The following CRB1 variants were observed in gnomAD, a reference collection of about 807,000 sequenced individuals.
CRB1 encodes the protein protein crumbs homolog 1.
In CRB1, 83 loss-of-function variants were observed where a neutral mutation model predicts 120.0. The observed-to-expected ratio is 0.69, with a 90% CI of 0.58 to 0.83. The LOEUF (loss-of-function observed/expected upper bound fraction) is 0.83, where lower values mean the gene tolerates loss of function less well. CRB1 is among the 40% of genes least tolerant of loss of function. CRB1 has a pLI of 0.00. For missense variants in CRB1, 1,699 were observed against 1,687.6 expected (o/e 1.01, Z -0.12); for synonymous variants, 625 against 612.5 (o/e 1.02, Z -0.30).
At chr1:197,404,816 A>G (rs1218173817) in intron 5 of CRB1, among the ~76,000 whole-genome samples, 3 of 152,184 alleles carry the variant, frequency 2.0e-5, no homozygotes, top group African/African-American at 7.2e-5. Flanking sequence ...ACTGTAACTA[A>G]TTTGTATTTG....
chr1:197,474,898 T>C (rs752723173), intron 11 of CRB1, among the ~76,000 whole-genome samples: 3 of 152,204 alleles, frequency 2.0e-5, no homozygotes, highest in Non-Finnish European at 4.4e-5. Context: ...AGATTTCATC[T>C]GCTCTTCTGT....
chr1:197,406,605 A>G (rs944693471), intron 5 of CRB1, among the ~76,000 whole-genome samples: 7 of 152,222 alleles, frequency 4.6e-5, no homozygotes, highest in Admixed American at 2.0e-4. Flanking sequence ...TAATGTGCTC[A>G]ATATTCTGCA....
chr1:197,278,726 AG>A (rs1284164458), intron 1 of CRB1, among the ~76,000 whole-genome samples: 1 of 151,954 alleles, frequency 6.6e-6, no homozygotes, highest in Non-Finnish European at 1.5e-5. Flanking sequence ...TCCAACTTCC[AG>A]GGATCAATTT....
At chr1:197,473,865 A>G (rs1667090291) in intron 11 of CRB1, among the ~76,000 whole-genome samples, 2 of 151,892 alleles carry the variant, frequency 1.3e-5, no homozygotes, top group Non-Finnish European at 2.9e-5. Context: ...AAAAAAAAAA[A>G]GCCTTTCAAC....
chr1:197,397,940 A>C (rs1662856340), intron 5 of CRB1, among the ~76,000 whole-genome samples: 1 of 152,148 alleles, frequency 6.6e-6, no homozygotes, highest in South Asian at 2.1e-4. Context: ...TAAGTGAATT[A>C]CATATCAATA....
At chr1:197,232,963 C>T in the CRB1 span, among the ~76,000 whole-genome samples, 2 of 151,894 alleles carry the variant, frequency 1.3e-5, no homozygotes, top group Admixed American at 6.6e-5. Context: ...CCACTGGTTC[C>T]AAAGATATAC....
At chr1:197,453,906 A>G (rs1000971659) in intron 11 of CRB1, among the ~76,000 whole-genome samples, 3 of 36,482 alleles carry the variant, frequency 8.2e-5, no homozygotes, top group Non-Finnish European at 1.2e-4. Context: ...TTATATTATT[A>G]ATATATATTA....
At chr1:197,393,107 G>A (rs935929558) in intron 5 of CRB1, among the ~76,000 whole-genome samples, 2 of 151,928 alleles carry the variant, frequency 1.3e-5, no homozygotes, top group African/African-American at 4.8e-5. Flanking sequence ...AAATTAAACA[G>A]GACATTTTAA....
chr1:197,328,999 T>C lies in CRB1; in HGVS notation c.648T>C (p.Tyr216=), dbSNP rs915261728. 3 of 1,609,508 alleles carry C rather than the reference T, an allele frequency of 1.9e-6. No homozygotes were observed. The highest frequency in any genetic ancestry group is 2.5e-6 in the Non-Finnish European group (3 of 1,177,972). ...ATACTTGTATCTGTCCCCACAATTA[T>C]TCTGGTAAGTGTGATCATATCTGAA... is the stretch of plus-strand genomic sequence containing the variant. ...GRYTCICPHN[Y]SGVNCELEID... The change falls in exon 2 of 12, where the codon TAT becomes TAC. Residue 216 remains tyrosine, a synonymous_variant. Transcript: ENST00000367400.
At chr1:197,391,483 A>G (rs1295018726) in intron 5 of CRB1, among the ~76,000 whole-genome samples, 1 of 152,126 alleles carries the variant, frequency 6.6e-6, no homozygotes, top group East Asian at 1.9e-4. Context: ...TGAAGTTGTC[A>G]CTGTAATGGA....
At chr1:197,312,177 A>G (rs76821532) in intron 1 of CRB1, among the ~76,000 whole-genome samples, 6,991 of 152,302 alleles carry the variant, frequency 0.046, 258 homozygotes, top group Non-Finnish European at 0.069. Context: ...GCAAGGAAAG[A>G]TAACTACATA....
chr1:197,312,577 C>T (rs1452209505), intron 1 of CRB1, among the ~76,000 whole-genome samples: 3 of 151,870 alleles, frequency 2.0e-5, no homozygotes, highest in East Asian at 1.9e-4. Context: ...AGTGAAACTC[C>T]GTCTCAAAAC....
chr1:197,328,619 G>A lies in CRB1; in HGVS notation c.268G>A (p.Gly90Arg), dbSNP rs763274428. The change falls in exon 2 of 12, where the codon GGA becomes AGA. Residue 90 changes from glycine (G) to arginine (R), a missense_variant. Coordinates refer to ENST00000367400, the MANE Select transcript of CRB1 (RefSeq NM_201253.3). Reference sequence around the variant, plus strand: ...AAGTGCCACTTGTGTGAACACCCCAGGAGAAAGGAGCTTTCTGTGCAAATG... The same window carrying A: ...AAGTGCCACTTGTGTGAACACCCCAAGAGAAAGGAGCTTTCTGTGCAAATG... ...QGSATCVNTP[G>R]ERSFLCKCPP... 6.2e-7 allele frequency: 1 copy of A among 1,614,220 alleles called. No individual in the cohort carries two copies. Among genetic ancestry groups the A allele is most frequent in the South Asian group, 1.1e-5 (1 of 91,090 alleles).
intron 11 of CRB1, among the ~76,000 whole-genome samples, chr1:197,471,646 C>T (rs1219710528): frequency 6.6e-6 from 1 of 152,164 alleles, no homozygotes. Context: ...GGACACTTCC[C>T]GAGTTCTCTC....
chr1:197,248,422 T>C, the CRB1 span, among the ~76,000 whole-genome samples: 2 of 151,954 alleles, frequency 1.3e-5, no homozygotes, highest in African/African-American at 4.8e-5. Flanking sequence ...CTACCCAACA[T>C]CCATGCAGGA....
At chr1:197,300,172 C>T (rs182239792) in intron 1 of CRB1, among the ~76,000 whole-genome samples, 559 of 151,946 alleles carry the variant, frequency 3.7e-3, no homozygotes, top group Non-Finnish European at 5.9e-3. Context: ...CAATTAATAA[C>T]GCTTTCAATG....
chr1:197,459,375 G>T (rs1055619660), intron 11 of CRB1, among the ~76,000 whole-genome samples: 1 of 152,088 alleles, frequency 6.6e-6, no homozygotes, highest in East Asian at 1.9e-4. Flanking sequence ...AAATGCCATT[G>T]ACTGGGTAAC....
intron 1 of CRB1, among the ~76,000 whole-genome samples, chr1:197,309,008 A>G (rs955102316): frequency 2.0e-5 from 3 of 151,386 alleles, no homozygotes; most frequent in Non-Finnish European, 4.4e-5. Flanking sequence ...ATATAAATAT[A>G]CAGTATATAT....
intron 5 of CRB1, among the ~76,000 whole-genome samples, chr1:197,365,472 G>A (rs1661009163): frequency 6.6e-6 from 1 of 152,026 alleles, no homozygotes; most frequent in Non-Finnish European, 1.5e-5. Flanking sequence ...CTTTTGCCAT[G>A]GCCCCCTTGC....
Sources: allele counts gnomAD v4.1 joint callset (sites outside exome capture counted in the v4.1 genomes callset), GRCh38; gene constraint gnomAD v4.1.1; transcripts MANE v1.5; gene names NCBI Gene and HGNC (gene_info 2026-07-23, HGNC 2026-07-21).